Variants in DLG2 observed in about 807,000 individuals in gnomAD.
The protein encoded by DLG2 is disks large homolog 2.
In DLG2, 45 loss-of-function variants were observed where a neutral mutation model predicts 132.5. The ratio of observed to expected loss-of-function variants is 0.34; its 90% CI spans 0.27 to 0.44. DLG2 has a LOEUF of 0.44. Ranked by LOEUF, DLG2 falls within the 20% of genes least tolerant of loss-of-function variation. The pLI, the probability that DLG2 is intolerant of heterozygous loss-of-function variation, is 1.00. For missense variants in DLG2, 1,045 were observed against 1,196.9 expected (o/e 0.87, Z 1.87); for synonymous variants, 424 against 419.6 (o/e 1.01, Z -0.13).
intron 11 of DLG2, among the ~76,000 whole-genome samples, chr11:83,987,932 C>T (rs1419643001): frequency 6.6e-6 from 1 of 152,054 alleles, no homozygotes; most frequent in African/African-American, 2.4e-5. Context: ...GCATGGGTGT[C>T]TTCTTTTGAG....
chr11:84,081,441 GA>G lies in DLG2; in HGVS notation c.749+17481del, dbSNP rs67573011. On this transcript the variant is annotated intron_variant, in intron 10 of 27. Transcript: ENST00000376104. ...AGGTCTATAATTTACAAAGAAAAAA[GA>G]AAAAAAAAAGTAACAAGGAATACTG... is the stretch of plus-strand genomic sequence containing the variant. Among the ~76,000 whole-genome samples the G allele has an allele frequency of 4.1e-3, 618 of 149,266 alleles. 2 individuals are homozygous for G. The highest frequency in any genetic ancestry group is 0.014 in the African/African-American group (560 of 40,586).
At chr11:84,707,724 T>C (rs936284591) in intron 6 of DLG2, among the ~76,000 whole-genome samples, 1 of 151,826 alleles carries the variant, frequency 6.6e-6, no homozygotes, top group Non-Finnish European at 1.5e-5. Flanking sequence ...GAATTTTACC[T>C]GAGAGTATGC....
chr11:83,574,885 T>C (rs951024965), intron 19 of DLG2, among the ~76,000 whole-genome samples: 1 of 152,170 alleles, frequency 6.6e-6, no homozygotes, highest in Non-Finnish European at 1.5e-5. Context: ...GACTAAAGAA[T>C]GGAGATTCTG....
chr11:84,113,329 G>A (rs1197902930), intron 9 of DLG2, among the ~76,000 whole-genome samples: 1 of 151,986 alleles, frequency 6.6e-6, no homozygotes, highest in Admixed American at 6.6e-5. Flanking sequence ...TAAAAATACT[G>A]TGCAATTATT....
chr11:83,497,697 T>C (rs2094223316), intron 21 of DLG2, among the ~76,000 whole-genome samples: 1 of 152,178 alleles, frequency 6.6e-6, no homozygotes, highest in Admixed American at 6.5e-5. Context: ...TTATTACTAG[T>C]AATAAAAATG....
chr11:84,269,067 T>C (rs181789630), intron 7 of DLG2, among the ~76,000 whole-genome samples: 58 of 152,348 alleles, frequency 3.8e-4, no homozygotes, highest in African/African-American at 1.3e-3. Context: ...TTTCTGATAA[T>C]TGATGTTTAT....
intron 7 of DLG2, among the ~76,000 whole-genome samples, chr11:84,420,346 C>G (rs1247550206): frequency 2.6e-5 from 4 of 152,164 alleles, no homozygotes; most frequent in Non-Finnish European, 4.4e-5. Context: ...TCTTCCCCCA[C>G]TCTGAATGGA....
At chr11:84,610,670 T>G (rs2099593809) in intron 6 of DLG2, among the ~76,000 whole-genome samples, 1 of 152,038 alleles carries the variant, frequency 6.6e-6, no homozygotes, top group African/African-American at 2.4e-5. Flanking sequence ...GTCCTTGCCC[T>G]CCTCACTTTT....
rs543830402 is a variant in DLG2 at position 85,472,792 on chromosome 11, G to C, written c.40+125865C>G. On this transcript the variant is annotated intron_variant, in intron 3 of 27. Transcript: ENST00000376104. Reference sequence around the variant, plus strand: ...GCCACCCCATGCAACAGGAAACAAGGTGCCAGGCCAGCCCAGAAGCCACAG... The same window carrying C: ...GCCACCCCATGCAACAGGAAACAAGCTGCCAGGCCAGCCCAGAAGCCACAG... Among the ~76,000 whole-genome samples the C allele has an allele frequency of 3.3e-5, 5 of 152,336 alleles. No individual in the cohort carries two copies. The South Asian group carries it at 1.0e-3, about 32-fold the overall frequency.
intron 6 of DLG2, among the ~76,000 whole-genome samples, chr11:84,965,329 T>C (rs2053171464): frequency 1.3e-5 from 2 of 151,938 alleles, no homozygotes; most frequent in African/African-American, 4.8e-5. Flanking sequence ...AATTATGATA[T>C]CAAATGTTCT....
intron 18 of DLG2, among the ~76,000 whole-genome samples, chr11:83,739,066 T>C: frequency 6.6e-6 from 1 of 152,170 alleles, no homozygotes; most frequent in Admixed American, 6.6e-5. Flanking sequence ...TTCTCTCTTT[T>C]TTTAAGGATT....
intron 10 of DLG2, among the ~76,000 whole-genome samples, chr11:84,091,285 T>C (rs1471522000): frequency 6.6e-6 from 1 of 152,196 alleles, no homozygotes; most frequent in Non-Finnish European, 1.5e-5. Context: ...GACTTAGCCC[T>C]CATCTCACAT....
intron 7 of DLG2, among the ~76,000 whole-genome samples, chr11:84,379,594 T>G (rs2098742226): frequency 6.6e-6 from 1 of 151,972 alleles, no homozygotes. Context: ...AAAAATACTT[T>G]TGAGATAATT....
chr11:83,742,091 G>C (rs2092562459), intron 18 of DLG2, among the ~76,000 whole-genome samples: 1 of 152,078 alleles, frequency 6.6e-6, no homozygotes, highest in South Asian at 2.1e-4. Flanking sequence ...CTTCAGACCA[G>C]CTAGAATACT....
chr11:84,013,837 A>G (rs1481290794), intron 11 of DLG2, among the ~76,000 whole-genome samples: 1 of 131,038 alleles, frequency 7.6e-6, no homozygotes, highest in East Asian at 2.5e-4. Context: ...ACTGAGCTCC[A>G]ACCTGGGTGA....
intron 6 of DLG2, among the ~76,000 whole-genome samples, chr11:84,990,317 G>A (rs1261221749): frequency 6.6e-6 from 1 of 152,210 alleles, no homozygotes; most frequent in African/African-American, 2.4e-5. Flanking sequence ...CCAGTGCAAT[G>A]CATTAAGAGG....
At chr11:84,634,545 C>T (rs1405091163) in intron 6 of DLG2, among the ~76,000 whole-genome samples, 1 of 152,156 alleles carries the variant, frequency 6.6e-6, no homozygotes, top group Non-Finnish European at 1.5e-5. Flanking sequence ...GTTTCTGCAC[C>T]TTACTTTCAT....
intron 18 of DLG2, among the ~76,000 whole-genome samples, chr11:83,733,240 CAAAAAAAA>C (rs71066061): frequency 4.3e-5 from 2 of 46,254 alleles, no homozygotes; most frequent in Non-Finnish European, 8.4e-5. Context: ...GACCCCATCT[CAAAAAAAA>C]AAAAAAAAAA....
intron 19 of DLG2, chr11:83,631,910 A>G (rs775711873): frequency 1.3e-5 from 2 of 152,220 alleles, no homozygotes; most frequent in Non-Finnish European, 2.9e-5. Context: ...AAGAGAGAAG[A>G]AGAACCACAA....
Sources: gnomAD v4.1 joint callset for allele counts (sites outside exome capture counted in the v4.1 genomes callset) on GRCh38, gnomAD v4.1.1 for gene constraint, MANE v1.5 for transcripts, NCBI Gene and HGNC (gene_info 2026-07-23, HGNC 2026-07-21) for gene names.